Variants in TAOK3 observed in about 807,000 individuals in gnomAD.
The protein encoded by TAOK3 is serine/threonine-protein kinase TAO3.
A neutral mutation model predicts 120.4 loss-of-function variants in TAOK3; 40 were observed. The observed-to-expected ratio is 0.33, with a 90% CI of 0.26 to 0.43. TAOK3 has a LOEUF of 0.43. TAOK3 is among the 20% of genes least tolerant of loss of function. The pLI is 1.00. For synonymous variants in TAOK3, 355 were observed against 387.5 expected, an observed-to-expected ratio of 0.92 and a Z score of 0.99; for missense variants, 821 against 1,112.1, an observed-to-expected ratio of 0.74 and a Z score of 3.72.
chr12:118,358,217 G>C (rs1174534325), intron 1 of TAOK3, among the ~76,000 whole-genome samples: 3 of 152,020 alleles, frequency 2.0e-5, no homozygotes, highest in Non-Finnish European at 2.9e-5. Flanking sequence ...TCATTTTATG[G>C]ACTATAGTAG....
chr12:118,358,772 GATT>G (rs759516498), intron 1 of TAOK3: 2 of 152,122 alleles, frequency 1.3e-5, no homozygotes, highest in African/African-American at 2.4e-5. Context: ...TTTTGAGGTT[GATT>G]ACTCTCAGCT....
At chr12:118,301,841 C>CA (rs777882071) in intron 1 of TAOK3, among the ~76,000 whole-genome samples, 4,218 of 68,098 alleles carry the variant, frequency 0.062, 126 homozygotes, top group Middle Eastern at 0.1. Context: ...GACTCCATCT[C>CA]AAAAAAAAAA....
intron 5 of TAOK3, among the ~76,000 whole-genome samples, chr12:118,241,797 T>C (rs2040261569): frequency 6.6e-6 from 1 of 152,152 alleles, no homozygotes; most frequent in South Asian, 2.1e-4. Flanking sequence ...CCATGCTTAT[T>C]AGCAGTCTAT....
chr12:118,265,486 G>A (rs1189402568), intron 2 of TAOK3, among the ~76,000 whole-genome samples: 1 of 150,700 alleles, frequency 6.6e-6, no homozygotes, highest in Non-Finnish European at 1.5e-5. Context: ...GAGACAGGTA[G>A]GAAAACAAAA....
At chr12:118,298,922 A>C (rs78160045) in intron 1 of TAOK3, among the ~76,000 whole-genome samples, 2,740 of 152,318 alleles carry the variant, frequency 0.018, 73 homozygotes, top group East Asian at 0.072. Context: ...GTTCTGACCT[A>C]AATCTATGCC....
chr12:118,152,591 TG>T, intron 19 of TAOK3, 182 bp from the exon 20 acceptor site: 1 of 581,736 alleles, frequency 1.7e-6, no homozygotes, highest in East Asian at 2.8e-5. Flanking sequence ...GTCTGCCCAA[TG>T]GGCTACAATA....
At chr12:118,203,565 A>G (rs1393102452) in intron 11 of TAOK3, among the ~76,000 whole-genome samples, 2 of 152,018 alleles carry the variant, frequency 1.3e-5, no homozygotes, top group Non-Finnish European at 2.9e-5. Flanking sequence ...TTAACTGGGC[A>G]TGGTGACGTG....
At chr12:118,201,523 T>G (rs2038024330) in intron 11 of TAOK3, 60 bp from the exon 12 acceptor site, 2 of 1,433,280 alleles carry the variant, frequency 1.4e-6, no homozygotes, top group Admixed American at 4.4e-5. Context: ...AGGTGCAAGG[T>G]ACAGATATAA....
chr12:118,188,962 G>A (rs1045657045), intron 14 of TAOK3, among the ~76,000 whole-genome samples: 3 of 152,196 alleles, frequency 2.0e-5, no homozygotes, highest in Admixed American at 1.3e-4. Flanking sequence ...GCGCGCACGC[G>A]CACGCGTGGG....
intron 3 of TAOK3, among the ~76,000 whole-genome samples, chr12:118,253,571 C>A (rs1361968456): frequency 2.6e-5 from 4 of 151,450 alleles, no homozygotes; most frequent in African/African-American, 9.7e-5. Flanking sequence ...AACCCCATCT[C>A]TACAAAAATA....
chr12:118,316,106 A>G (rs907054640), intron 1 of TAOK3, among the ~76,000 whole-genome samples: 4 of 152,212 alleles, frequency 2.6e-5, no homozygotes, highest in Admixed American at 2.0e-4. Context: ...GATTTCTTAC[A>G]TCTCCCTTCA....
At chr12:118,166,127 T>C (rs1390514657) in intron 17 of TAOK3, among the ~76,000 whole-genome samples, 1 of 152,244 alleles carries the variant, frequency 6.6e-6, no homozygotes, top group Non-Finnish European at 1.5e-5. Context: ...CCCCCTTTTA[T>C]ATGTGTTAGT....
chr12:118,166,295 T>C (rs945192975), intron 17 of TAOK3, among the ~76,000 whole-genome samples: 1 of 152,086 alleles, frequency 6.6e-6, no homozygotes, highest in East Asian at 1.9e-4. Flanking sequence ...TCCCAGCACT[T>C]TGGGAGGCTG....
At chr12:118,267,687 C>A (rs1211862853) in intron 1 of TAOK3, among the ~76,000 whole-genome samples, 1 of 150,780 alleles carries the variant, frequency 6.6e-6, no homozygotes, top group Non-Finnish European at 1.5e-5. Context: ...GAGTTCAAGA[C>A]CAGCCTGACC....
chr12:118,210,649 C>T (rs1593169057), intron 11 of TAOK3, among the ~76,000 whole-genome samples: 2 of 152,124 alleles, frequency 1.3e-5, no homozygotes, highest in African/African-American at 4.8e-5. Context: ...ATAGCAGCAC[C>T]TGTCAATCTT....
intron 1 of TAOK3, among the ~76,000 whole-genome samples, chr12:118,308,458 A>G (rs182936221): frequency 6.6e-6 from 1 of 152,250 alleles, no homozygotes; most frequent in East Asian, 1.9e-4. Context: ...CACATACCTA[A>G]CCAAATTCAA....
rs186030668 is a variant in TAOK3 at position 118,290,652 on chromosome 12, G to C, written c.-193-23893C>G. 1.1e-3 allele frequency among the ~76,000 whole-genome samples: 164 copies of C among 152,248 alleles called. 2 individuals are homozygous for C. The South Asian group carries it at 0.017, about 15-fold the overall frequency. Reference sequence around the variant, plus strand: ...CAGATCTCAGCTCACTACAACCTCCGCCTCCTGGGTTCAAGCGATTTTCCT... The same window carrying C: ...CAGATCTCAGCTCACTACAACCTCCCCCTCCTGGGTTCAAGCGATTTTCCT... On this transcript the variant is annotated intron_variant, in intron 1 of 20. Coordinates refer to ENST00000392533, the MANE Select transcript of TAOK3 (RefSeq NM_016281.4).
In TAOK3 at chr12:118,330,571, CTA is replaced by C. The variant is rs543820735; in HGVS notation, c.-194+42075_-194+42076del. Among the ~76,000 whole-genome samples, 214 of 151,944 alleles carry C rather than the reference CTA, an allele frequency of 1.4e-3. 1 individual carries two copies. The highest frequency in any genetic ancestry group is 5.0e-3 in the African/African-American group (205 of 41,408). ...AGTTGATAGTTGGGCAAAGAGGAAA[CTA>C]TCACAAAGAGGAAGTATACTGAATG... On this transcript the variant is annotated intron_variant, in intron 1 of 20. Transcript: ENST00000392533.
chr12:118,178,337 G>A (rs957601487), intron 15 of TAOK3, among the ~76,000 whole-genome samples: 2 of 152,156 alleles, frequency 1.3e-5, no homozygotes, highest in Admixed American at 1.3e-4. Context: ...TTGTAAAAAT[G>A]TATAAATAAC....
Sources: allele counts gnomAD v4.1 joint callset (sites outside exome capture counted in the v4.1 genomes callset), GRCh38; gene constraint gnomAD v4.1.1; transcripts MANE v1.5; gene names NCBI Gene and HGNC (gene_info 2026-07-23, HGNC 2026-07-21).